Variants in FAF1 observed in about 807,000 individuals in gnomAD.
FAF1 encodes FAS-associated factor 1.
A neutral mutation model predicts 92.5 loss-of-function variants in FAF1; 25 were observed. The observed-to-expected ratio is 0.27, with a 90% CI of 0.20 to 0.38. FAF1 has a LOEUF of 0.38. Among genes scored for constraint, FAF1 ranks in the 10% least tolerant of loss-of-function variants. The pLI, the probability that FAF1 is intolerant of heterozygous loss-of-function variation, is 1.00. For synonymous variants in FAF1, 234 were observed against 273.2 expected (o/e 0.86, Z 1.42); for missense variants, 636 against 793.3 (o/e 0.80, Z 2.38).
At chr1:50,551,480 T>C (rs752178732) in intron 13 of FAF1, among the ~76,000 whole-genome samples, 11 of 152,198 alleles carry the variant, frequency 7.2e-5, no homozygotes, top group Non-Finnish European at 1.3e-4. Flanking sequence ...GTAAATACCA[T>C]GATTTTAAAA....
chr1:50,737,588 G>C (rs1321334946), intron 6 of FAF1, among the ~76,000 whole-genome samples: 1 of 152,114 alleles, frequency 6.6e-6, no homozygotes, highest in African/African-American at 2.4e-5. Flanking sequence ...GTAACTGTGT[G>C]CAAATTCCAC....
intron 1 of FAF1, among the ~76,000 whole-genome samples, chr1:50,937,309 A>G (rs1014799847): frequency 3.3e-5 from 5 of 152,196 alleles, no homozygotes; most frequent in Non-Finnish European, 5.9e-5. Context: ...ACAGACAAGC[A>G]CATCCAGAGG....
chr1:50,728,661 C>T (rs1031813103), intron 6 of FAF1, among the ~76,000 whole-genome samples: 5 of 151,760 alleles, frequency 3.3e-5, no homozygotes, highest in African/African-American at 9.7e-5. Context: ...CATGGTGGCA[C>T]ATACCTGTAA....
intron 8 of FAF1, among the ~76,000 whole-genome samples, chr1:50,648,872 G>T (rs903160090): frequency 6.6e-6 from 1 of 152,220 alleles, no homozygotes; most frequent in Non-Finnish European, 1.5e-5. Flanking sequence ...GTTGCGGTGA[G>T]CCAAGATCGT....
At chr1:50,862,754 A>G (rs1043706124) in intron 1 of FAF1, among the ~76,000 whole-genome samples, 1 of 151,908 alleles carries the variant, frequency 6.6e-6, no homozygotes, top group Non-Finnish European at 1.5e-5. Context: ...TATATGAGAA[A>G]AAAACAAACT....
At chr1:50,531,108 C>T (rs1262781439) in intron 15 of FAF1, among the ~76,000 whole-genome samples, 1 of 152,178 alleles carries the variant, frequency 6.6e-6, no homozygotes, top group Admixed American at 6.5e-5. Flanking sequence ...TTAAAATAAG[C>T]CTAGAATGCC....
chr1:50,690,744 T>G (rs534057341), intron 7 of FAF1, among the ~76,000 whole-genome samples: 5 of 152,192 alleles, frequency 3.3e-5, no homozygotes, highest in African/African-American at 1.2e-4. Context: ...TCAAACCCAA[T>G]AGCAACCATT....
chr1:50,829,102 A>T (rs1644130425), intron 2 of FAF1, among the ~76,000 whole-genome samples: 1 of 148,092 alleles, frequency 6.8e-6, no homozygotes, highest in African/African-American at 2.7e-5. Flanking sequence ...ATTAAAAGCT[A>T]AAAAGGCTGA....
At chr1:50,700,818 A>G (rs1657443613) in intron 7 of FAF1, among the ~76,000 whole-genome samples, 1 of 152,124 alleles carries the variant, frequency 6.6e-6, no homozygotes, top group African/African-American at 2.4e-5. Context: ...ATGGGCCAAA[A>G]AAGATATCCA....
At chr1:50,546,180 T>C (rs1649006263) in intron 13 of FAF1, among the ~76,000 whole-genome samples, 1 of 152,084 alleles carries the variant, frequency 6.6e-6, no homozygotes, top group African/African-American at 2.4e-5. Context: ...TCAATCAATC[T>C]TGGTTAAATA....
chr1:50,818,616 T>G (rs1180110962), intron 2 of FAF1, among the ~76,000 whole-genome samples: 2 of 152,108 alleles, frequency 1.3e-5, no homozygotes, highest in South Asian at 2.1e-4. Flanking sequence ...GGTATAAGAG[T>G]GCATACTGTA....
intron 8 of FAF1, among the ~76,000 whole-genome samples, chr1:50,641,238 G>A (rs1049742688): frequency 6.6e-6 from 1 of 151,736 alleles, no homozygotes; most frequent in African/African-American, 2.4e-5. Context: ...TAATCTACTT[G>A]GATTTAATTT....
At chr1:50,932,184 G>C (rs898158740) in intron 1 of FAF1, among the ~76,000 whole-genome samples, 1 of 151,984 alleles carries the variant, frequency 6.6e-6, no homozygotes, top group African/African-American at 2.4e-5. Flanking sequence ...GTCCTCACAT[G>C]TCAAAACCAA....
chr1:50,766,105 A>G (rs894856592), intron 4 of FAF1, among the ~76,000 whole-genome samples: 2 of 152,172 alleles, frequency 1.3e-5, no homozygotes, highest in African/African-American at 4.8e-5. Context: ...AAAAAAAAGT[A>G]AAATGAGACC....
At chr1:50,805,529 G>A (rs1346643241) in intron 2 of FAF1, among the ~76,000 whole-genome samples, 1 of 152,068 alleles carries the variant, frequency 6.6e-6, no homozygotes, top group Non-Finnish European at 1.5e-5. Flanking sequence ...ACCTTTTGGG[G>A]GAAGGAAATG....
chr1:50,890,143 G>A (rs1263697061), intron 1 of FAF1, among the ~76,000 whole-genome samples: 1 of 152,122 alleles, frequency 6.6e-6, no homozygotes, highest in East Asian at 1.9e-4. Flanking sequence ...TTTAATCTTT[G>A]TTGGTGTAAA....
intron 1 of FAF1, among the ~76,000 whole-genome samples, chr1:50,891,021 TCACATAGTCC>T (rs1255290742): frequency 6.6e-6 from 1 of 152,228 alleles, no homozygotes; most frequent in Admixed American, 6.5e-5. Flanking sequence ...TTTGGTCTTT[TCACATAGTCC>T]CATATTTCTT....
intron 1 of FAF1, among the ~76,000 whole-genome samples, chr1:50,913,066 T>C (rs1284797849): frequency 2.0e-5 from 3 of 152,210 alleles, no homozygotes; most frequent in Non-Finnish European, 4.4e-5. Flanking sequence ...TAAAAACACT[T>C]ATAAAAATGC....
intron 18 of FAF1, among the ~76,000 whole-genome samples, chr1:50,458,542 T>A (rs192548100): frequency 2.5e-3 from 387 of 152,274 alleles, no homozygotes; most frequent in African/African-American, 8.9e-3. Context: ...AAGGGCAAAA[T>A]TTTTAAGGCT....
Sources: gnomAD v4.1 joint callset for allele counts (sites outside exome capture counted in the v4.1 genomes callset) on GRCh38, gnomAD v4.1.1 for gene constraint, MANE v1.5 for transcripts, NCBI Gene and HGNC (gene_info 2026-07-23, HGNC 2026-07-21) for gene names.